SDK1: variants seen among roughly 807,000 people sequenced by gnomAD.
The protein encoded by SDK1 is protein sidekick-1.
SDK1 carries 157 observed loss-of-function variants against 245.5 expected under a neutral mutation model. The observed-to-expected ratio is 0.64, with a 90% CI of 0.56 to 0.73. The LOEUF (loss-of-function observed/expected upper bound fraction) is 0.73. Ranked by LOEUF, SDK1 falls within the 30% of genes least tolerant of loss-of-function variation. SDK1 has a pLI of 0.00. For synonymous variants in SDK1, 1,647 were observed against 1,278.5 expected (o/e 1.29, Z -6.15); for missense variants, 3,583 against 3,002.3 (o/e 1.19, Z -4.52).
At chr7:3,912,109 G>C (rs1779190124) in intron 5 of SDK1, among the ~76,000 whole-genome samples, 1 of 152,202 alleles carries the variant, frequency 6.6e-6, no homozygotes, top group Non-Finnish European at 1.5e-5. Flanking sequence ...AGAGGAGCTT[G>C]AGCAGAGTCG....
intron 1 of SDK1, among the ~76,000 whole-genome samples, chr7:3,488,435 A>G (rs963299806): frequency 6.6e-6 from 1 of 151,910 alleles, no homozygotes; most frequent in African/African-American, 2.4e-5. Context: ...TTCTTTAGCT[A>G]TTTTTGGTTT....
chr7:3,834,526 G>C (rs1779987351), intron 5 of SDK1, among the ~76,000 whole-genome samples: 1 of 152,206 alleles, frequency 6.6e-6, no homozygotes, highest in Non-Finnish European at 1.5e-5. Flanking sequence ...ATGGAGGGAT[G>C]CACCAGCAGT....
intron 4 of SDK1, among the ~76,000 whole-genome samples, chr7:3,666,478 A>G (rs1583287631): frequency 1.3e-5 from 2 of 152,020 alleles, no homozygotes; most frequent in Admixed American, 1.3e-4. Flanking sequence ...TCCTGCCCTC[A>G]CCCTGCTGCC....
intron 4 of SDK1, among the ~76,000 whole-genome samples, chr7:3,684,064 G>A (rs924409984): frequency 3.9e-5 from 6 of 152,140 alleles, no homozygotes; most frequent in African/African-American, 9.7e-5. Flanking sequence ...CTCAAGTTCC[G>A]CTGTGGGGTG....
chr7:4,266,046 G>C lies in SDK1; in HGVS notation c.*662G>C, dbSNP rs772279708. ...ACTGTCTGTGTCACTGCAGTGGTGC[G>C]GTCCTCAGGCTTTTCTGCCTGTCTT... On this transcript the variant is annotated 3_prime_UTR_variant, in exon 45 of 45. Transcript: ENST00000404826. 1.2e-5 allele frequency: 12 copies of C among 985,444 alleles called. No homozygotes were observed. Among genetic ancestry groups the C allele is most frequent in the Non-Finnish European group, 1.4e-5 (12 of 829,924 alleles). The allele number at this position is 985,444 out of a possible 1,614,324, so 61.0% of individuals were successfully genotyped here.
intron 40 of SDK1, among the ~76,000 whole-genome samples, chr7:4,226,022 T>G (rs1785425362): frequency 6.6e-6 from 1 of 152,144 alleles, no homozygotes; most frequent in Non-Finnish European, 1.5e-5. Context: ...CTCAGGCAAA[T>G]GAAACGCTTT....
At chr7:3,917,351 A>G (rs1779420005) in intron 5 of SDK1, among the ~76,000 whole-genome samples, 1 of 152,076 alleles carries the variant, frequency 6.6e-6, no homozygotes. Context: ...GGTGGCTGGG[A>G]TATCAGGTGT....
chr7:3,836,753 A>T lies in SDK1; in HGVS notation c.847+15170A>T, dbSNP rs564965196. Among the ~76,000 whole-genome samples, 41 of 152,334 alleles carry T rather than the reference A, an allele frequency of 2.7e-4. 1 individual carries two copies. The South Asian group carries it at 8.1e-3, about 30-fold the overall frequency. On this transcript the variant is annotated intron_variant, in intron 5 of 44. Coordinates refer to ENST00000404826, the MANE Select transcript of SDK1 (RefSeq NM_152744.4). Reference sequence around the variant, plus strand: ...AATTCCACAATGAGTATTTTCCCAAAACAAAGAATAGACCCTCCACAGGAA... The same window carrying T: ...AATTCCACAATGAGTATTTTCCCAATACAAAGAATAGACCCTCCACAGGAA...
At position 4,267,801 on chromosome 7, in the gene SDK1, C is replaced by T. The variant is rs572590510; in HGVS notation, c.*2417C>T. 4.1e-5 allele frequency: 40 copies of T among 985,456 alleles called. No homozygotes were observed. The highest frequency in any genetic ancestry group is 8.7e-5 in the African/African-American group (5 of 57,244). The allele number at this position is 985,456 out of a possible 1,614,324, so 61.0% of individuals were successfully genotyped here. A position where few individuals can be genotyped will look rare whatever the true frequency, so the allele number is the denominator to read the frequency against. Reference sequence around the variant, plus strand: ...TTAGTAAACCTTGATCTGTACGGAGCGGCCTGTCCGAGGCTACGCCGGCCT... The same window carrying T: ...TTAGTAAACCTTGATCTGTACGGAGTGGCCTGTCCGAGGCTACGCCGGCCT... On this transcript the variant is annotated 3_prime_UTR_variant, in exon 45 of 45. Coordinates refer to ENST00000404826, the MANE Select transcript of SDK1 (RefSeq NM_152744.4).
chr7:4,143,995 G>A (rs977833912), intron 28 of SDK1, among the ~76,000 whole-genome samples: 10 of 152,166 alleles, frequency 6.6e-5, no homozygotes, highest in Admixed American at 2.0e-4. Flanking sequence ...CAGGAGCCCC[G>A]AAGCCTCAGA....
rs192816186 is a variant in SDK1 at position 3,476,823 on chromosome 7, G to A, written c.299-142257G>A. 3.0e-3 allele frequency among the ~76,000 whole-genome samples: 463 copies of A among 152,290 alleles called. 4 individuals are homozygous for A. Among genetic ancestry groups the A allele is most frequent in the African/African-American group, 0.01 (418 of 41,560 alleles). Reference sequence around the variant, plus strand: ...AGCAAGGTGGCTGACTGGGAACTCAGGCCTAATCTAACTAGCGGGTGGTAT... The same window carrying A: ...AGCAAGGTGGCTGACTGGGAACTCAAGCCTAATCTAACTAGCGGGTGGTAT... On this transcript the variant is annotated intron_variant, in intron 1 of 44. Coordinates refer to ENST00000404826, the MANE Select transcript of SDK1 (RefSeq NM_152744.4).
At chr7:4,105,910 G>A (rs1000733785) in intron 22 of SDK1, among the ~76,000 whole-genome samples, 2 of 152,200 alleles carry the variant, frequency 1.3e-5, no homozygotes, top group African/African-American at 2.4e-5. Context: ...GACAAACCGC[G>A]GCTGCAGGAG....
At chr7:3,625,445 G>C (rs1337395334) in intron 2 of SDK1, among the ~76,000 whole-genome samples, 1 of 152,200 alleles carries the variant, frequency 6.6e-6, no homozygotes, top group Non-Finnish European at 1.5e-5. Flanking sequence ...CAGTGGTGGA[G>C]ACAAAGCTTG....
chr7:3,640,942 A>T (rs1040864637), intron 3 of SDK1, among the ~76,000 whole-genome samples: 3 of 151,832 alleles, frequency 2.0e-5, no homozygotes, highest in African/African-American at 7.3e-5. Context: ...TCGGCCTCCC[A>T]AAGTGCTGGG....
chr7:3,885,136 C>T (rs920223970), intron 5 of SDK1, among the ~76,000 whole-genome samples: 2 of 151,456 alleles, frequency 1.3e-5, no homozygotes, highest in African/African-American at 4.8e-5. Context: ...TCTGGTAATT[C>T]GGGAATGAGG....
At chr7:3,949,505 G>A (rs577312648) in intron 5 of SDK1, among the ~76,000 whole-genome samples, 2 of 152,210 alleles carry the variant, frequency 1.3e-5, no homozygotes, top group Non-Finnish European at 2.9e-5. Context: ...ATCCTCCGCT[G>A]CCGCTCACGA....
chr7:4,198,421 C>A (rs1214290222), intron 35 of SDK1, among the ~76,000 whole-genome samples: 1 of 152,214 alleles, frequency 6.6e-6, no homozygotes, highest in African/African-American at 2.4e-5. Flanking sequence ...CGCACCAGCT[C>A]CCAGTCAAGG....
chr7:3,505,031 C>T (rs1315106186), intron 1 of SDK1, among the ~76,000 whole-genome samples: 1 of 152,134 alleles, frequency 6.6e-6, no homozygotes, highest in Non-Finnish European at 1.5e-5. Flanking sequence ...CCTGATGTTT[C>T]ATTTCATTCT....
chr7:3,330,576 C>T (rs1316870018), intron 1 of SDK1, among the ~76,000 whole-genome samples: 2 of 152,068 alleles, frequency 1.3e-5, no homozygotes, highest in Admixed American at 6.5e-5. Flanking sequence ...TGCGTCTTGC[C>T]ATGTCATGAT....
Sources: allele counts gnomAD v4.1 joint callset (sites outside exome capture counted in the v4.1 genomes callset), GRCh38; gene constraint gnomAD v4.1.1; transcripts MANE v1.5; gene names NCBI Gene and HGNC (gene_info 2026-07-23, HGNC 2026-07-21).